The following GRIA2 variants were observed in gnomAD, a reference collection of about 807,000 sequenced individuals.
GRIA2 encodes glutamate ionotropic receptor AMPA type subunit 2.
A neutral mutation model predicts 97.3 loss-of-function variants in GRIA2; 14 were observed. The observed-to-expected ratio is 0.14, with a 90% CI of 0.10 to 0.23. GRIA2 has a LOEUF of 0.23. Among genes scored for constraint, GRIA2 ranks in the 10% least tolerant of loss-of-function variants. GRIA2 has a pLI of 1.00. For synonymous variants in GRIA2, 412 were observed against 387.8 expected, an observed-to-expected ratio of 1.06 and a Z score of -0.73; for missense variants, 558 against 1,069.8, an observed-to-expected ratio of 0.52 and a Z score of 6.67.
At chr4:157,363,093 T>C in intron 15 of GRIA2, 46 bp downstream of exon 15, 1 of 1,552,462 alleles carries the variant, frequency 6.4e-7, no homozygotes. Flanking sequence ...ACGTTTAGCT[T>C]TCTTGTTGCG....
At position 157,317,932 on chromosome 4, in the gene GRIA2, C is replaced by T. The variant is rs185969835; in HGVS notation, c.720+221C>T. ...CGGAGGTTGCAGTGAGCTGAGATCC[C>T]ACCATTGTACTCCAGCCTAGTGACA... On this transcript the variant is annotated intron_variant, in intron 5 of 15. Transcript: ENST00000264426. Among the ~76,000 whole-genome samples the T allele has an allele frequency of 2.2e-4, 33 of 152,084 alleles. No individual in the cohort carries two copies. In the East Asian group the frequency reaches 5.4e-3, roughly 25 times the overall value.
At chr4:157,234,271 G>A (rs985214150) in intron 2 of GRIA2, among the ~76,000 whole-genome samples, 6 of 151,930 alleles carry the variant, frequency 3.9e-5, no homozygotes, top group Non-Finnish European at 5.9e-5. Context: ...ACTTAGCTCC[G>A]TGCTTATAGG....
At chr4:157,268,823 G>GA (rs1283154946) in intron 2 of GRIA2, among the ~76,000 whole-genome samples, 6 of 151,858 alleles carry the variant, frequency 4.0e-5, no homozygotes, top group Non-Finnish European at 7.4e-5. Flanking sequence ...GATGATTTAT[G>GA]AAAAAATAGA....
At chr4:157,300,210 T>TTA in intron 2 of GRIA2, among the ~76,000 whole-genome samples, 1 of 152,214 alleles carries the variant, frequency 6.6e-6, no homozygotes, top group East Asian at 1.9e-4. Context: ...TCCCTTCTAA[T>TTA]GAAGTAAAGA....
chr4:157,233,169 C>T (rs780373802), intron 2 of GRIA2, among the ~76,000 whole-genome samples: 9 of 152,090 alleles, frequency 5.9e-5, no homozygotes, highest in Non-Finnish European at 1.0e-4. Flanking sequence ...TAATGCCTTT[C>T]GGTGACAAAG....
chr4:157,362,049 G>A (rs1365203300), intron 14 of GRIA2, among the ~76,000 whole-genome samples: 1 of 152,054 alleles, frequency 6.6e-6, no homozygotes, highest in African/African-American at 2.4e-5. Flanking sequence ...TAGTATCACT[G>A]ATTGGCAAGA....
At chr4:157,310,074 T>G (rs1579352497) in intron 3 of GRIA2, among the ~76,000 whole-genome samples, 1 of 152,322 alleles carries the variant, frequency 6.6e-6, no homozygotes, top group African/African-American at 2.4e-5. Context: ...GTGGGTAGAC[T>G]TAATGGCTGT....
intron 5 of GRIA2, among the ~76,000 whole-genome samples, chr4:157,319,231 G>A (rs748193277): frequency 6.6e-5 from 10 of 152,184 alleles, no homozygotes; most frequent in Admixed American, 2.6e-4. Context: ...AGTCCCCTGT[G>A]TGAATCGTGC....
intron 2 of GRIA2, among the ~76,000 whole-genome samples, chr4:157,284,007 G>A (rs1732726316): frequency 6.6e-6 from 1 of 151,844 alleles, no homozygotes; most frequent in Non-Finnish European, 1.5e-5. Context: ...CATTAATATA[G>A]TAAATTCATA....
chr4:157,278,617 GA>G (rs1398793457), intron 2 of GRIA2, among the ~76,000 whole-genome samples: 1 of 151,988 alleles, frequency 6.6e-6, no homozygotes, highest in African/African-American at 2.4e-5. Flanking sequence ...AATACTTACT[GA>G]GCTGGATTTC....
At chr4:157,302,230 C>G (rs1733647902) in intron 2 of GRIA2, among the ~76,000 whole-genome samples, 1 of 151,442 alleles carries the variant, frequency 6.6e-6, no homozygotes, top group East Asian at 1.9e-4. Context: ...GCTTTAAGCA[C>G]TGTTCTGCGG....
chr4:157,245,912 G>A (rs1730711057), intron 2 of GRIA2, among the ~76,000 whole-genome samples: 1 of 151,964 alleles, frequency 6.6e-6, no homozygotes, highest in Non-Finnish European at 1.5e-5. Flanking sequence ...TCTATGTAAA[G>A]GAACTCAACC....
At chr4:157,268,398 G>C (rs1463979729) in intron 2 of GRIA2, among the ~76,000 whole-genome samples, 1 of 151,970 alleles carries the variant, frequency 6.6e-6, no homozygotes, top group Non-Finnish European at 1.5e-5. Context: ...ACCTAAATGT[G>C]TGTCCTTGAG....
chr4:157,246,880 A>G (rs919155755), intron 2 of GRIA2, among the ~76,000 whole-genome samples: 2 of 152,024 alleles, frequency 1.3e-5, no homozygotes, highest in Non-Finnish European at 2.9e-5. Context: ...GTACTTGTTC[A>G]TTTTTCATTT....
chr4:157,237,091 T>A (rs1579294085), intron 2 of GRIA2, among the ~76,000 whole-genome samples: 1 of 152,230 alleles, frequency 6.6e-6, no homozygotes, highest in Middle Eastern at 3.4e-3. Flanking sequence ...CACCGTAGTT[T>A]ATTTTTTTTA....
rs1162765761 is a variant in GRIA2 at position 157,361,774 on chromosome 4, A to T, written c.2406+650A>T. 2 of 655,760 alleles carry T rather than the reference A, an allele frequency of 3.0e-6. No homozygotes were observed. Among genetic ancestry groups the T allele is most frequent in the Admixed American group, 2.7e-5 (1 of 36,930 alleles). 40.6% of individuals were successfully genotyped at this position (655,760 alleles called of 1,614,324 possible). A position where few individuals can be genotyped will look rare whatever the true frequency, so the allele number is the denominator to read the frequency against. On this transcript the variant is annotated intron_variant, in intron 14 of 15. Transcript: ENST00000264426. This position sits in a 1 kb window ranked among gnomAD's most constrained non-coding sequence, Gnocchi z 5.2. Reference sequence around the variant, plus strand: ...GAATGTAAATGCAAATATGCATGAGATGCATAATTTGGTAAGATGTTTTGG... The same window carrying T: ...GAATGTAAATGCAAATATGCATGAGTTGCATAATTTGGTAAGATGTTTTGG...
rs758716774 is a variant in GRIA2, at chr4:157,359,973, G to A, written c.2121G>A (p.Thr707=). ...AGCCCTCTGTGTTTGTGAGGACTAC[G>A]GCCGAAGGGGTGGCTAGAGTGCGGA... The part of the protein sequence containing the change: ...SAEPSVFVRT[T]AEGVARVRKS... Residue 707 remains threonine, a synonymous_variant, in exon 13 of 16, where the codon ACG becomes ACA. Transcript: ENST00000264426. 5.6e-6 allele frequency: 9 copies of A among 1,613,826 alleles called. No homozygotes were observed. The highest frequency in any genetic ancestry group is 1.6e-4 in the Middle Eastern group (1 of 6,062).
At chr4:157,300,523 G>A (rs1220361445) in intron 2 of GRIA2, among the ~76,000 whole-genome samples, 1 of 152,028 alleles carries the variant, frequency 6.6e-6, no homozygotes, top group Non-Finnish European at 1.5e-5. Flanking sequence ...TACAGAGAGG[G>A]AAATGAGCAC....
chr4:157,262,034 C>T (rs1012688334), intron 2 of GRIA2, among the ~76,000 whole-genome samples: 2 of 152,052 alleles, frequency 1.3e-5, no homozygotes, highest in South Asian at 2.1e-4. Flanking sequence ...ATATAACGTC[C>T]TCTTTATCCA....
Sources: allele counts gnomAD v4.1 joint callset (sites outside exome capture counted in the v4.1 genomes callset), GRCh38; gene constraint gnomAD v4.1.1; non-coding constraint Gnocchi (gnomAD v3.1); transcripts MANE v1.5; gene names NCBI Gene and HGNC (gene_info 2026-07-23, HGNC 2026-07-21).